The following EVC variants were observed in gnomAD, a reference collection of about 807,000 sequenced individuals.
The protein encoded by EVC is EvC ciliary complex subunit 1.
A neutral mutation model predicts 118.9 loss-of-function variants in EVC; 116 were observed. The ratio of observed to expected loss-of-function variants is 0.98; its 90% CI spans 0.84 to 1.14. EVC has a LOEUF of 1.14. Among genes scored for constraint, EVC ranks in the 50% most tolerant of loss-of-function variants. The probability of loss-of-function intolerance (pLI) is 0.00; values close to 1 mark genes in which losing one functional copy is unlikely to be tolerated. For synonymous variants in EVC, 619 were observed against 534.7 expected, an observed-to-expected ratio of 1.16 and a Z score of -2.18; for missense variants, 1,401 against 1,246.4, an observed-to-expected ratio of 1.12 and a Z score of -1.87.
chr4:5,802,140 TG>T, intron 16 of EVC, 46 bp downstream of exon 16: 1 of 1,612,730 alleles, frequency 6.2e-7, no homozygotes, highest in East Asian at 2.2e-5. Context: ...ACTGGCAATG[TG>T]TGCTTTTAGT....
chr4:5,711,487 C>T lies in EVC; in HGVS notation c.107C>T (p.Ala36Val). ...CTGGCCCCCGCCGTGCTGCTGGGCG[C>T]CGCGCTCGGCCTCGGCCTCGGCCTT... ...ALLAPAVLLG[A>V]ALGLGLGLWL... The change falls in exon 1 of 21, where the codon GCC (alanine) becomes GTC (valine). Residue 36 changes from alanine to valine, a missense_variant. Coordinates refer to ENST00000264956, the MANE Select transcript of EVC (RefSeq NM_153717.3). The T allele has an allele frequency of 9.0e-7, 1 of 1,112,638 alleles. No homozygotes were observed. The highest frequency in any genetic ancestry group is 4.3e-5 in the South Asian group (1 of 23,488). The allele number at this position is 1,112,638 out of a possible 1,614,324, so 68.9% of individuals were successfully genotyped here.
downstream of EVC, among the ~76,000 whole-genome samples, chr4:5,819,020 A>C (rs185981979): frequency 5.3e-5 from 8 of 152,314 alleles, no homozygotes; most frequent in East Asian, 1.4e-3. Context: ...GACTTACAAC[A>C]AAGGCCCCAC....
chr4:5,818,653 G>A (rs559551874), downstream of EVC, among the ~76,000 whole-genome samples: 9 of 152,238 alleles, frequency 5.9e-5, no homozygotes, highest in South Asian at 1.7e-3. Flanking sequence ...AGCGAGACCT[G>A]AGCCAATACA....
chr4:5,772,097 C>T (rs6826855), intron 11 of EVC, among the ~76,000 whole-genome samples: 54,447 of 151,764 alleles, frequency 0.36, 10,038 homozygotes, highest in Admixed American at 0.47. Flanking sequence ...AAGGTTTCAC[C>T]GTGTTAGCCA....
chr4:5,783,591 G>C lies in EVC; in HGVS notation c.1603G>C (p.Val535Leu), dbSNP rs753720935. The change falls in exon 12 of 21, where the codon GTG becomes CTG. Residue 535 changes from valine to leucine, a missense_variant. By Grantham distance (32) the Val-to-Leu change is conservative. Transcript: ENST00000264956. ...FSTVDTFQKF[V>L]DALFLQTLPG... ...CACCGTGGACACTTTCCAGAAGTTC[G>C]TGGATGCCCTGTTCCTTCAGACGCT... 1.9e-6 allele frequency: 3 copies of C among 1,614,042 alleles called. No homozygotes were observed. The African/African-American group carries it at 4.0e-5, about 22-fold the overall frequency.
At chr4:5,799,298 AATAATAGTG>A (rs1714550024) in intron 15 of EVC, among the ~76,000 whole-genome samples, 1 of 152,184 alleles carries the variant, frequency 6.6e-6, no homozygotes, top group Non-Finnish European at 1.5e-5. Flanking sequence ...AATAATCATA[AATAATAGTG>A]ATAAAAATGA....
intron 8 of EVC, among the ~76,000 whole-genome samples, chr4:5,752,273 CCT>C (rs914297775): frequency 5.3e-5 from 8 of 152,292 alleles, no homozygotes; most frequent in African/African-American, 1.4e-4. Flanking sequence ...GACATTTCCC[CCT>C]GTCTTTTCTG....
intron 11 of EVC, among the ~76,000 whole-genome samples, chr4:5,759,148 A>C (rs554092898): frequency 1.1e-4 from 16 of 152,294 alleles, no homozygotes; most frequent in African/African-American, 3.6e-4. Flanking sequence ...TCTCATTAGC[A>C]TCTTAAGTCT....
intron 11 of EVC, among the ~76,000 whole-genome samples, chr4:5,780,171 C>T (rs1735363005): frequency 6.6e-6 from 1 of 152,168 alleles, no homozygotes; most frequent in Non-Finnish European, 1.5e-5. Context: ...TTGAACCAGC[C>T]TTGCATCCCA....
chr4:5,748,087 C>CGTT, intron 7 of EVC, 61 bp from the exon 8 acceptor site: 2 of 1,579,210 alleles, frequency 1.3e-6, no homozygotes, highest in Non-Finnish European at 1.7e-6. Flanking sequence ...GAGCACGCAC[C>CGTT]GTTTGGCTTT....
rs764450324 is a variant in EVC, at chr4:5,798,686, G to A, written c.2198G>A (p.Gly733Glu). ...QRLLAEAQEV[G>E]QLLQQHMECA... ...CTCCTGGCCGAGGCCCAGGAGGTGG[G>A]GCAGCTTCTGCAGCAGCACATGGAG... The change falls in exon 15 of 21, where the codon GGG becomes GAG. Residue 733 changes from glycine to glutamate, a missense_variant. By Grantham distance (98) the Gly-to-Glu change is moderately conservative. Transcript: ENST00000264956. The surrounding 1 kb of genome is among the most constrained non-coding windows in gnomAD (Gnocchi z 4.1). The A allele has an allele frequency of 1.9e-6, 3 of 1,605,428 alleles. No homozygotes were observed. Among genetic ancestry groups the A allele is most frequent in the South Asian group, 2.2e-5 (2 of 89,482 alleles).
chr4:5,793,790 C>A, intron 13 of EVC, 73 bp downstream of exon 13: 1 of 1,199,654 alleles, frequency 8.3e-7, no homozygotes, highest in Non-Finnish European at 1.2e-6. Flanking sequence ...GTGTCCTCAT[C>A]TGTACAGTGG....
intron 7 of EVC, among the ~76,000 whole-genome samples, chr4:5,747,008 T>C (rs1234217028): frequency 6.6e-6 from 1 of 152,034 alleles, no homozygotes; most frequent in Non-Finnish European, 1.5e-5. Flanking sequence ...GGTCATCTGA[T>C]GGCTCCAAGG....
At chr4:5,732,234 G>A (rs7437280) in intron 4 of EVC, among the ~76,000 whole-genome samples, 20,172 of 152,178 alleles carry the variant, frequency 0.13, 1,747 homozygotes, top group East Asian at 0.31. Context: ...GCACGTGGTG[G>A]GGGCTTAAGA....
chr4:5,762,278 C>A (rs1732183703), intron 11 of EVC, among the ~76,000 whole-genome samples: 2 of 133,546 alleles, frequency 1.5e-5, no homozygotes, highest in South Asian at 5.4e-4. Flanking sequence ...ATATGTGCCA[C>A]ATTTTCTTAA....
intron 6 of EVC, among the ~76,000 whole-genome samples, chr4:5,744,006 C>T (rs1408517682): frequency 2.6e-5 from 4 of 152,262 alleles, no homozygotes; most frequent in Admixed American, 6.5e-5. Flanking sequence ...TCCATCTCTA[C>T]GAGTTAAACA....
chr4:5,767,122 C>G (rs533195506), intron 11 of EVC, among the ~76,000 whole-genome samples: 1 of 151,572 alleles, frequency 6.6e-6, no homozygotes, highest in South Asian at 2.1e-4. Context: ...TTCTAACAGA[C>G]AGGACCCTCA....
At chr4:5,784,105 ACAGGACTC>A (rs1484969151) in intron 12 of EVC, among the ~76,000 whole-genome samples, 3 of 152,172 alleles carry the variant, frequency 2.0e-5, no homozygotes, top group African/African-American at 7.2e-5. Context: ...GAAGCGGCAC[ACAGGACTC>A]CTGTTTTTCA....
chr4:5,723,743 C>T (rs755074561), intron 2 of EVC, among the ~76,000 whole-genome samples: 4 of 152,158 alleles, frequency 2.6e-5, no homozygotes, highest in Non-Finnish European at 5.9e-5. Flanking sequence ...GGACCACGCT[C>T]AGATAGGCCC....
Sources: gnomAD v4.1 joint callset for allele counts (sites outside exome capture counted in the v4.1 genomes callset) on GRCh38, gnomAD v4.1.1 for gene constraint, Gnocchi (gnomAD v3.1) non-coding constraint, MANE v1.5 for transcripts, NCBI Gene and HGNC (gene_info 2026-07-23, HGNC 2026-07-21) for gene names.